The following TAF1B variants were observed in gnomAD, a reference collection of about 807,000 sequenced individuals.
TAF1B encodes the protein TATA box-binding protein-associated factor RNA polymerase I subunit B.
TAF1B carries 61 observed loss-of-function variants against 83.9 expected under a neutral mutation model. The ratio of observed to expected loss-of-function variants is 0.73; its 90% CI spans 0.59 to 0.90. TAF1B has a LOEUF of 0.90. Ranked by LOEUF, TAF1B falls within the 40% of genes least tolerant of loss-of-function variation. TAF1B has a pLI of 0.00. For missense variants in TAF1B, 625 were observed against 677.0 expected (o/e 0.92, Z 0.85); for synonymous variants, 221 against 224.6 (o/e 0.98, Z 0.14).
At chr2:9,879,819 A>G (rs4669477) in intron 7 of TAF1B, among the ~76,000 whole-genome samples, 34,637 of 152,224 alleles carry the variant, frequency 0.23, 4,798 homozygotes, top group East Asian at 0.31. Flanking sequence ...AAAATATACA[A>G]TTCAGTGGTT....
At chr2:9,849,806 G>C (rs933967677) in intron 3 of TAF1B, among the ~76,000 whole-genome samples, 49 of 152,240 alleles carry the variant, frequency 3.2e-4, no homozygotes, top group African/African-American at 1.2e-3. Context: ...ACCTCAACAT[G>C]AGTGTGCTTT....
In TAF1B at chr2:9,934,035, A is replaced by G; in HGVS notation, c.*51A>G. 1 of 1,374,302 alleles carries G rather than the reference A, an allele frequency of 7.3e-7. No individual in the cohort carries two copies. Among genetic ancestry groups the G allele is most frequent in the South Asian group, 1.4e-5 (1 of 72,552 alleles). 85.1% of individuals were successfully genotyped at this position (1,374,302 alleles called of 1,614,324 possible). A position where few individuals can be genotyped will look rare whatever the true frequency, so the allele number is the denominator to read the frequency against. On this transcript the variant is annotated 3_prime_UTR_variant, in exon 15 of 15. Coordinates refer to ENST00000263663, the MANE Select transcript of TAF1B (RefSeq NM_005680.3). ...AAAATATTTTAATAGTGATAATAAC[A>G]TCAGATTTTAATATAACATTCCAGA... is the stretch of plus-strand genomic sequence containing the variant.
intron 9 of TAF1B, among the ~76,000 whole-genome samples, chr2:9,907,655 C>T (rs1665387139): frequency 6.6e-6 from 1 of 152,126 alleles, no homozygotes; most frequent in Non-Finnish European, 1.5e-5. Flanking sequence ...CCCATTGTCA[C>T]CCACGAGCCT....
At chr2:9,887,445 C>T (rs1664713984) in intron 8 of TAF1B, among the ~76,000 whole-genome samples, 1 of 152,154 alleles carries the variant, frequency 6.6e-6, no homozygotes, top group Non-Finnish European at 1.5e-5. Context: ...GTAACATTTA[C>T]AGTATTTTGT....
chr2:9,873,080 G>T (rs970815088), intron 6 of TAF1B, among the ~76,000 whole-genome samples: 42 of 152,118 alleles, frequency 2.8e-4, no homozygotes. Context: ...CGAAACCTTT[G>T]CATGGCTTTC....
At chr2:9,919,976 TA>T (rs1267946656) in intron 14 of TAF1B, among the ~76,000 whole-genome samples, 156 bp downstream of exon 14, 24 of 152,280 alleles carry the variant, frequency 1.6e-4, no homozygotes, top group Non-Finnish European at 4.4e-5. Context: ...GGAAAGCTGG[TA>T]AAAATCAAGA....
At chr2:9,897,576 C>T (rs1384848256) in intron 8 of TAF1B, among the ~76,000 whole-genome samples, 2 of 152,168 alleles carry the variant, frequency 1.3e-5, no homozygotes, top group African/African-American at 2.4e-5. Flanking sequence ...AAACCCACTG[C>T]GTGGCACTTA....
chr2:9,908,140 C>T (rs1344059632), intron 9 of TAF1B, among the ~76,000 whole-genome samples: 1 of 136,810 alleles, frequency 7.3e-6, no homozygotes, highest in African/African-American at 2.7e-5. Context: ...CCACCTCCCA[C>T]GTTCACACCA....
intron 7 of TAF1B, among the ~76,000 whole-genome samples, chr2:9,877,924 A>G (rs961117560): frequency 3.3e-5 from 5 of 151,698 alleles, no homozygotes; most frequent in African/African-American, 1.2e-4. Flanking sequence ...CTAGTTAGCT[A>G]GGGGGCTTTT....
At chr2:9,849,310 T>A (rs1476381688) in intron 2 of TAF1B, 63 bp from the exon 3 acceptor site, 11 of 1,290,430 alleles carry the variant, frequency 8.5e-6, no homozygotes, top group Non-Finnish European at 1.2e-5. Flanking sequence ...AGAAAATACC[T>A]GGAAAAATGC....
rs950288612 is a variant in TAF1B at position 9,927,901 on chromosome 2, C to T, written c.1566-5882C>T. ...CATTTGTCTATTTTGGCTTTTGTTG[C>T]CATTGCTTTTGGTGTTTTAGTCATG... On this transcript the variant is annotated intron_variant, in intron 14 of 14. Transcript: ENST00000263663. Among the ~76,000 whole-genome samples the T allele has an allele frequency of 3.9e-4, 60 of 152,144 alleles. 2 individuals carry two copies. Among genetic ancestry groups the T allele is most frequent in the Non-Finnish European group, 2.9e-5 (2 of 68,026 alleles).
intron 2 of TAF1B, among the ~76,000 whole-genome samples, chr2:9,846,840 T>TTG (rs1368378215): frequency 1.3e-5 from 2 of 152,110 alleles, no homozygotes; most frequent in African/African-American, 2.4e-5. Context: ...GAGATATATT[T>TTG]TGTGTGTGTG....
intron 8 of TAF1B, among the ~76,000 whole-genome samples, chr2:9,894,575 G>A (rs563757081): frequency 1.3e-5 from 2 of 152,224 alleles, no homozygotes; most frequent in Non-Finnish European, 2.9e-5. Flanking sequence ...ATGTATCTGA[G>A]GCTACATTTA....
chr2:9,881,578 A>G (rs1378249910), intron 7 of TAF1B, among the ~76,000 whole-genome samples: 1 of 152,036 alleles, frequency 6.6e-6, no homozygotes, highest in African/African-American at 2.4e-5. Flanking sequence ...ACTCTACCTA[A>G]CATACTATAG....
intron 11 of TAF1B, among the ~76,000 whole-genome samples, chr2:9,912,418 A>C (rs1665560617): frequency 6.6e-6 from 1 of 152,134 alleles, no homozygotes; most frequent in South Asian, 2.1e-4. Context: ...AGAGGCTTGA[A>C]TTTATTGGAA....
At chr2:9,903,235 G>A (rs542277984) in intron 8 of TAF1B, among the ~76,000 whole-genome samples, 47 of 152,146 alleles carry the variant, frequency 3.1e-4, no homozygotes, top group African/African-American at 1.1e-3. Context: ...ACAGGCGCCC[G>A]CCACCATGCC....
chr2:9,852,657 A>G (rs942167972), intron 4 of TAF1B, among the ~76,000 whole-genome samples: 2 of 152,064 alleles, frequency 1.3e-5, no homozygotes, highest in African/African-American at 4.8e-5. Flanking sequence ...ATACCCAGCT[A>G]ATTTTTTCTA....
chr2:9,858,851 C>T (rs983068641), intron 5 of TAF1B, among the ~76,000 whole-genome samples: 1 of 152,200 alleles, frequency 6.6e-6, no homozygotes, highest in Non-Finnish European at 1.5e-5. Flanking sequence ...GAGCCCTGGA[C>T]CTGGCCCGTA....
At chr2:9,884,044 C>G (rs904680460) in intron 8 of TAF1B, among the ~76,000 whole-genome samples, 1 of 152,222 alleles carries the variant, frequency 6.6e-6, no homozygotes, top group Non-Finnish European at 1.5e-5. Flanking sequence ...AAGGGCAAGT[C>G]AGGCATGGAA....
Sources: allele counts gnomAD v4.1 joint callset (sites outside exome capture counted in the v4.1 genomes callset), GRCh38; gene constraint gnomAD v4.1.1; transcripts MANE v1.5; gene names NCBI Gene and HGNC (gene_info 2026-07-23, HGNC 2026-07-21).